Variants in SLC25A20 observed in about 807,000 individuals in gnomAD.
The protein encoded by SLC25A20 is solute carrier family 25 member 20.
In SLC25A20, 29 loss-of-function variants were observed where a neutral mutation model predicts 39.7. That is an observed-to-expected ratio of 0.73 (90% CI 0.54 to 1.00). The LOEUF (loss-of-function observed/expected upper bound fraction) is 1.00. Among genes scored for constraint, SLC25A20 ranks in the 50% least tolerant of loss-of-function variants. SLC25A20 has a pLI of 0.00. For missense variants in SLC25A20, 333 were observed against 379.9 expected (o/e 0.88, Z 1.03); for synonymous variants, 103 against 142.2 (o/e 0.72, Z 1.96).
intron 4 of SLC25A20, among the ~76,000 whole-genome samples, chr3:48,872,124 T>TG (rs2106645948): frequency 6.7e-6 from 1 of 150,216 alleles, no homozygotes; most frequent in Non-Finnish European, 1.5e-5. Flanking sequence ...CCACTCTGCC[T>TG]GGCCTGCCCA....
intron 4 of SLC25A20, among the ~76,000 whole-genome samples, chr3:48,864,741 T>C (rs969436724): frequency 9.9e-5 from 15 of 152,102 alleles, no homozygotes; most frequent in Admixed American, 3.9e-4. Flanking sequence ...TTGTTATGTA[T>C]GTACAGACTA....
intron 4 of SLC25A20, among the ~76,000 whole-genome samples, chr3:48,866,414 C>A (rs1290269015): frequency 6.6e-6 from 1 of 151,532 alleles, no homozygotes; most frequent in African/African-American, 2.4e-5. Context: ...ATTAGCAGGG[C>A]GTGGTGGTGT....
In SLC25A20 at chr3:48,868,487, A is replaced by G. The variant is rs924527159; in HGVS notation, c.418-5828T>C. Among the ~76,000 whole-genome samples the G allele has an allele frequency of 7.2e-5, 11 of 152,162 alleles. 1 individual carries two copies. The highest frequency in any genetic ancestry group is 2.7e-4 in the African/African-American group (11 of 41,454). On this transcript the variant is annotated intron_variant, in intron 4 of 8. Transcript: ENST00000319017. ...CTACAACCAAAAAACTCTGGATGTT[A>G]TATTTAAAATAAACATATGAAGGGT...
chr3:48,873,608 TA>T (rs890593896), intron 4 of SLC25A20, among the ~76,000 whole-genome samples: 3 of 143,324 alleles, frequency 2.1e-5, no homozygotes, highest in African/African-American at 7.8e-5. Context: ...GATAATGCCT[TA>T]AAAAAAACAA....
chr3:48,858,715 G>T, intron 7 of SLC25A20, 84 bp from the exon 8 acceptor site: 1 of 1,560,408 alleles, frequency 6.4e-7, no homozygotes. Context: ...ACTAGCACAG[G>T]GAAAGGACAC....
chr3:48,859,651 A>G (rs1181580151), intron 5 of SLC25A20, 24 bp from the exon 6 acceptor site: 1 of 1,564,256 alleles, frequency 6.4e-7, no homozygotes, highest in Non-Finnish European at 8.8e-7. Flanking sequence ...GAAAAAGGTG[A>G]ATTAAAGTAC....
intron 5 of SLC25A20, among the ~76,000 whole-genome samples, chr3:48,859,994 C>G (rs2083611895): frequency 6.6e-6 from 1 of 152,126 alleles, no homozygotes; most frequent in African/African-American, 2.4e-5. Flanking sequence ...TGGCGAAAGC[C>G]TCGTCTCTAC....
At chr3:48,894,156 C>T (rs1389899150) in intron 1 of SLC25A20, among the ~76,000 whole-genome samples, 6 of 118,796 alleles carry the variant, frequency 5.1e-5, no homozygotes, top group Non-Finnish European at 8.5e-5. Flanking sequence ...GAGACTCCTT[C>T]TCAAAAAAAA....
At chr3:48,859,495 C>G in intron 6 of SLC25A20, 60 bp downstream of exon 6, 1 of 1,360,678 alleles carries the variant, frequency 7.3e-7, no homozygotes, top group Non-Finnish European at 1.1e-6. Flanking sequence ...GATTCACCCA[C>G]AGGAGAGGGC....
At chr3:48,877,052 TACC>T (rs1248398428) in intron 4 of SLC25A20, among the ~76,000 whole-genome samples, 1 of 151,854 alleles carries the variant, frequency 6.6e-6, no homozygotes. Context: ...GCCGAAATCA[TACC>T]ACTGCACTCC....
intron 1 of SLC25A20, among the ~76,000 whole-genome samples, chr3:48,894,454 G>A (rs1325707254): frequency 7.1e-6 from 1 of 141,124 alleles, no homozygotes; most frequent in African/African-American, 2.6e-5. Context: ...TTTTTTTTTA[G>A]TAGAGACAGG....
At chr3:48,866,907 T>A (rs560941340) in intron 4 of SLC25A20, among the ~76,000 whole-genome samples, 2 of 151,502 alleles carry the variant, frequency 1.3e-5, no homozygotes, top group Non-Finnish European at 2.9e-5. Context: ...AATTCTCCTG[T>A]CTCAGACTCC....
At chr3:48,859,727 G>C (rs2083609548) in intron 5 of SLC25A20, 100 bp from the exon 6 acceptor site, 5 of 986,836 alleles carry the variant, frequency 5.1e-6, no homozygotes, top group Non-Finnish European at 6.5e-6. Flanking sequence ...ATTGAGGCAG[G>C]GGGATTGCTT....
chr3:48,870,292 G>C (rs368199012), intron 4 of SLC25A20, among the ~76,000 whole-genome samples: 15 of 152,184 alleles, frequency 9.9e-5, no homozygotes, highest in Non-Finnish European at 1.5e-4. Context: ...TCCCAGCTAC[G>C]CGGGAGGATG....
In SLC25A20 at chr3:48,859,295, G is replaced by C. The variant is rs1477912079; in HGVS notation, c.609-94C>G. 6 of 1,162,778 alleles carry C rather than the reference G, an allele frequency of 5.2e-6. No individual in the cohort carries two copies. In the East Asian group the frequency reaches 1.2e-4, roughly 24 times the overall value. 72.0% of individuals were successfully genotyped at this position (1,162,778 alleles called of 1,614,324 possible). On this transcript the variant is annotated intron_variant, in intron 6 of 8. Coordinates refer to ENST00000319017, the MANE Select transcript of SLC25A20 (RefSeq NM_000387.6). ...GTGGCAGACAGGGCAGTTACAGACA[G>C]GCAGAAACTGGTTGGAGGGAGGAGG...
chr3:48,870,970 C>G (rs2083710474), intron 4 of SLC25A20, among the ~76,000 whole-genome samples: 1 of 151,812 alleles, frequency 6.6e-6, no homozygotes, highest in Non-Finnish European at 1.5e-5. Flanking sequence ...GGATTACAGG[C>G]CTGCACCACC....
intron 4 of SLC25A20, among the ~76,000 whole-genome samples, chr3:48,863,967 A>G (rs2083646293): frequency 6.6e-6 from 1 of 151,734 alleles, no homozygotes; most frequent in African/African-American, 2.4e-5. Flanking sequence ...GTGAGCCGAG[A>G]TCGTGCCACT....
intron 1 of SLC25A20, among the ~76,000 whole-genome samples, chr3:48,892,741 A>G (rs981395440): frequency 1.3e-5 from 2 of 152,192 alleles, no homozygotes; most frequent in South Asian, 4.1e-4. Context: ...TAATCAGTCC[A>G]CAGATTCAAA....
At chr3:48,864,193 C>A (rs1417885001) in intron 4 of SLC25A20, among the ~76,000 whole-genome samples, 1 of 151,462 alleles carries the variant, frequency 6.6e-6, no homozygotes, top group Non-Finnish European at 1.5e-5. Context: ...ACTAAAAATA[C>A]AAAACTTAGC....
Sources: gnomAD v4.1 joint callset for allele counts (sites outside exome capture counted in the v4.1 genomes callset) on GRCh38, gnomAD v4.1.1 for gene constraint, MANE v1.5 for transcripts, NCBI Gene and HGNC (gene_info 2026-07-23, HGNC 2026-07-21) for gene names.